INPP5D: variants seen among roughly 807,000 people sequenced by gnomAD.
INPP5D encodes the protein inositol polyphosphate-5-phosphatase D.
In INPP5D, 33 loss-of-function variants were observed where a neutral mutation model predicts 122.9. The observed-to-expected ratio is 0.27, with a 90% CI of 0.20 to 0.36. The LOEUF (loss-of-function observed/expected upper bound fraction) is 0.36, where lower values mean the gene tolerates loss of function less well. Among genes scored for constraint, INPP5D ranks in the 10% least tolerant of loss-of-function variants. The pLI is 1.00. For synonymous variants in INPP5D, 584 were observed against 576.2 expected, an observed-to-expected ratio of 1.01 and a Z score of -0.19; for missense variants, 1,053 against 1,412.7, an observed-to-expected ratio of 0.75 and a Z score of 4.08.
At chr2:233,093,963 C>T (rs770409650) in intron 2 of INPP5D, among the ~76,000 whole-genome samples, 2 of 151,996 alleles carry the variant, frequency 1.3e-5, no homozygotes, top group Non-Finnish European at 2.9e-5. Flanking sequence ...CTGTGCTTCT[C>T]CCTGGAGTCT....
intron 2 of INPP5D, among the ~76,000 whole-genome samples, chr2:233,095,391 G>A (rs1020526512): frequency 2.0e-5 from 3 of 152,062 alleles, no homozygotes; most frequent in South Asian, 2.1e-4. Context: ...AGACCGAGGC[G>A]GGTGGATCAC....
At position 233,185,887 on chromosome 2, in the gene INPP5D, G is replaced by T; in HGVS notation, c.2320G>T (p.Gly774Trp). 1.2e-6 allele frequency: 2 copies of T among 1,609,314 alleles called. No homozygotes were observed. The highest frequency in any genetic ancestry group is 1.7e-5 in the Admixed American group (1 of 59,356). Residue 774 changes from glycine to tryptophan, a missense_variant, in exon 21 of 27, where the codon GGG becomes TGG. Coordinates refer to ENST00000445964, the MANE Select transcript of INPP5D (RefSeq NM_001017915.3). Reference sequence around the variant, plus strand: ...AGGAGAAAATGAAGAAGGAAGTGAGGGGGAGCTGGTGGTGAAGTTTGGTGA... The same window carrying T: ...AGGAGAAAATGAAGAAGGAAGTGAGTGGGAGCTGGTGGTGAAGTTTGGTGA... ...QEGENEEGSE[G>W]ELVVKFGETL...
At chr2:233,068,220 G>GCCAA (rs1691277574) in intron 1 of INPP5D, among the ~76,000 whole-genome samples, 1 of 151,332 alleles carries the variant, frequency 6.6e-6, no homozygotes, top group Non-Finnish European at 1.5e-5. Context: ...GGGAGGCAGA[G>GCCAA]GTTGTGGTGA....
In INPP5D at chr2:233,193,820, T is replaced by A. The variant is rs766689015; in HGVS notation, c.2455T>A (p.Cys819Ser). 6.2e-7 allele frequency: 1 copy of A among 1,613,974 alleles called. No individual in the cohort carries two copies. Among genetic ancestry groups the A allele is most frequent in the African/African-American group, 1.3e-5 (1 of 75,052 alleles). Residue 819 changes from cysteine (C) to serine (S), a missense_variant, in exon 23 of 27, where the codon TGC becomes AGC. By Grantham distance (112) the Cys-to-Ser change is moderately radical. Around this residue, in one of 6 missense-constraint regions of INPP5D, gnomAD observed 258 missense variants for 439.1 expected, o/e 0.59. Transcript: ENST00000445964. ...SDSDESYGEG[C>S]IALRLEATET... ...TCCCACTTTCCCTGCAGGCGAGGGC[T>A]GCATTGCCCTTCGGTTAGAGGCCAC...
rs778068336 is a variant in INPP5D at position 233,185,812 on chromosome 2, T to C, written c.2276-31T>C. ...TTTCTGTCTGGTTCTTGCTCTGTTTTCTGAAAACCAGCCTTTTTGTCCTCC... is the reference window on the plus strand; with the variant it reads ...TTTCTGTCTGGTTCTTGCTCTGTTTCCTGAAAACCAGCCTTTTTGTCCTCC... On this transcript the variant is annotated intron_variant, in intron 20 of 26. Coordinates refer to ENST00000445964, the MANE Select transcript of INPP5D (RefSeq NM_001017915.3). 10 of 1,577,122 alleles carry C rather than the reference T, an allele frequency of 6.3e-6. No homozygotes were observed. The African/African-American group carries it at 1.4e-4, about 21-fold the overall frequency.
At chr2:233,135,794 A>C (rs62192869) in intron 5 of INPP5D, among the ~76,000 whole-genome samples, 71,734 of 151,878 alleles carry the variant, frequency 0.47, 17,396 homozygotes, top group African/African-American at 0.55. Context: ...TACCAATCAA[A>C]TGCCTTACTC....
chr2:233,155,398 G>A (rs1332211059), intron 9 of INPP5D, among the ~76,000 whole-genome samples: 1 of 152,070 alleles, frequency 6.6e-6, no homozygotes, highest in Non-Finnish European at 1.5e-5. Flanking sequence ...CAAGGCAGGT[G>A]GAACACTTGA....
intron 1 of INPP5D, among the ~76,000 whole-genome samples, chr2:233,066,145 G>C (rs1691221053): frequency 6.6e-6 from 1 of 151,976 alleles, no homozygotes; most frequent in South Asian, 2.1e-4. Context: ...GTAGAGACAG[G>C]GTTTTGCTAT....
At chr2:233,087,534 C>G (rs1171107856) in intron 2 of INPP5D, among the ~76,000 whole-genome samples, 1 of 152,024 alleles carries the variant, frequency 6.6e-6, no homozygotes, top group Non-Finnish European at 1.5e-5. Context: ...ACCATGTTGC[C>G]CAGGATGGTC....
At chr2:233,125,637 T>G in intron 3 of INPP5D, 108 bp from the exon 4 acceptor site, 19 of 952,896 alleles carry the variant, frequency 2.0e-5, no homozygotes, top group Non-Finnish European at 2.8e-5. Context: ...GGGACGCAGA[T>G]GGAGATCAAT....
Position 233,201,990 on chromosome 2 carries a change from G to A in INPP5D, c.2976-2136G>A, listed in dbSNP as rs181423562. Reference sequence around the variant, plus strand: ...TGGTTTTCCCCAGTCTTCCCCGCCCGCCCCACCAAGCTTCCCCTCTCTAAG... The same window carrying A: ...TGGTTTTCCCCAGTCTTCCCCGCCCACCCCACCAAGCTTCCCCTCTCTAAG... On this transcript the variant is annotated intron_variant, in intron 25 of 26. Transcript: ENST00000445964. 8.6e-4 allele frequency among the ~76,000 whole-genome samples: 114 copies of A among 132,610 alleles called. 2 individuals are homozygous for A. Among genetic ancestry groups the A allele is most frequent in the African/African-American group, 3.1e-3 (109 of 35,288 alleles). The allele number at this position is 132,610 out of a possible 152,430, so 87.0% of individuals were successfully genotyped here.
At chr2:233,124,357 C>A (rs566945635) in intron 3 of INPP5D, among the ~76,000 whole-genome samples, 1 of 152,352 alleles carries the variant, frequency 6.6e-6, no homozygotes, top group African/African-American at 2.4e-5. Flanking sequence ...GCTTGTGGGC[C>A]ACCAGGGCCC....
chr2:233,195,958 G>A (rs779122060), intron 24 of INPP5D, among the ~76,000 whole-genome samples: 12 of 152,082 alleles, frequency 7.9e-5, no homozygotes, highest in African/African-American at 1.9e-4. Context: ...GCAACAGACC[G>A]AGACTCTGTC....
chr2:233,142,266 G>T (rs895301633), intron 6 of INPP5D, among the ~76,000 whole-genome samples: 1 of 152,204 alleles, frequency 6.6e-6, no homozygotes, highest in East Asian at 1.9e-4. Flanking sequence ...AACAGAAAAG[G>T]TTGTTCTTGA....
rs543929577 is a variant in INPP5D, at chr2:233,105,381, T to C, written c.199-16726T>C. 2.7e-4 allele frequency among the ~76,000 whole-genome samples: 41 copies of C among 152,306 alleles called. No homozygotes were observed. The highest frequency in any genetic ancestry group is 9.6e-4 in the African/African-American group (40 of 41,574). ...TTTGCCCCACCACCTCCTATTCACC[T>C]GAAGTAGGAGCATCTCAGCTGCAGA... On this transcript the variant is annotated intron_variant, in intron 2 of 26. Coordinates refer to ENST00000445964, the MANE Select transcript of INPP5D (RefSeq NM_001017915.3). The surrounding 1 kb of genome is among the most constrained non-coding windows in gnomAD (Gnocchi z 4.0).
chr2:233,161,003 A>G (rs1694184631), intron 10 of INPP5D, among the ~76,000 whole-genome samples: 1 of 152,148 alleles, frequency 6.6e-6, no homozygotes, highest in South Asian at 2.1e-4. Context: ...ATGCTTAAAA[A>G]TATATATTGT....
In INPP5D at chr2:233,160,443, A is replaced by C. The variant is rs979072700; in HGVS notation, c.1138-1281A>C. Among the ~76,000 whole-genome samples the C allele has an allele frequency of 6.6e-6, 1 of 152,198 alleles. No homozygotes were observed. The highest frequency in any genetic ancestry group is 2.4e-5 in the African/African-American group (1 of 41,450). ...TTCATGTCCTCTCTTCTTTTTAATT[A>C]GTTTCTTTAATTTAAATGTTCTTTC... On this transcript the variant is annotated intron_variant, in intron 10 of 26. Transcript: ENST00000445964. The surrounding 1 kb of genome is among the most constrained non-coding windows in gnomAD (Gnocchi z 4.2).
Position 233,135,576 on chromosome 2 carries a change from T to C in INPP5D, c.666-4266T>C, listed in dbSNP as rs144079205. ...AAACAGTACCATAGCTTTAAAATTG[T>C]CGACATTTAAAATGTTAAATATTTT... On this transcript the variant is annotated intron_variant, in intron 5 of 26. Transcript: ENST00000445964. Among the ~76,000 whole-genome samples, 839 of 151,532 alleles carry C rather than the reference T, an allele frequency of 5.5e-3. 10 individuals are homozygous for C. Among genetic ancestry groups the C allele is most frequent in the African/African-American group, 0.019 (800 of 41,480 alleles).
chr2:233,086,131 TTCTTTCTTTC>T (rs907190972), intron 2 of INPP5D, among the ~76,000 whole-genome samples: 3 of 113,226 alleles, frequency 2.6e-5, no homozygotes, highest in Admixed American at 1.8e-4. Context: ...CTTTCTTTCT[TTCTTTCTTTC>T]TTTCTTTCTT....
Sources: allele counts gnomAD v4.1 joint callset (sites outside exome capture counted in the v4.1 genomes callset), GRCh38; gene constraint gnomAD v4.1.1; regional missense constraint gnomAD v4.1.1; non-coding constraint Gnocchi (gnomAD v3.1); transcripts MANE v1.5; gene names NCBI Gene and HGNC (gene_info 2026-07-23, HGNC 2026-07-21).